POMZP3: variants seen among roughly 807,000 people sequenced by gnomAD.
POMZP3 encodes the protein POM121 and ZP3 fusion protein.
Under a neutral mutation model 19.8 loss-of-function variants are expected in POMZP3, and 10 were observed. That is an observed-to-expected ratio of 0.51 (90% CI 0.31 to 0.86). The LOEUF (loss-of-function observed/expected upper bound fraction) is 0.86, where lower values mean the gene tolerates loss of function less well. POMZP3 is among the 40% of genes least tolerant of loss of function. POMZP3 has a pLI of 0.04. For missense variants in POMZP3, 152 were observed against 228.1 expected, an observed-to-expected ratio of 0.67 and a Z score of 2.15; for synonymous variants, 57 against 85.8, an observed-to-expected ratio of 0.66 and a Z score of 1.85.
intron 4 of POMZP3, 55 bp from the exon 5 acceptor site, chr7:76,611,868 T>C (rs1026712042): frequency 6.7e-7 from 1 of 1,502,374 alleles, no homozygotes; most frequent in African/African-American, 1.4e-5. Context: ...CCTGGGAGTT[T>C]AACACACCAG....
At chr7:76,617,692 T>TA (rs1286284991) in intron 4 of POMZP3, among the ~76,000 whole-genome samples, 2 of 107,268 alleles carry the variant, frequency 1.9e-5, no homozygotes, top group African/African-American at 9.7e-5. Context: ...CCTGCCTTTT[T>TA]TTTTTTTTGG....
At position 76,612,095 on chromosome 7, in the gene POMZP3, G is replaced by A. The variant is rs1815137384; in HGVS notation, c.346-282C>T. ...TACCTGTAGTCCCAGCTACCTGGAA[G>A]GCTGAGGCAGGAGAATCACTGGAAC... On this transcript the variant is annotated intron_variant, in intron 4 of 6. Transcript: ENST00000310842. 1.5e-5 allele frequency among the ~76,000 whole-genome samples: 2 copies of A among 137,406 alleles called. 1 individual carries two copies. The highest frequency in any genetic ancestry group is 3.1e-5 in the Non-Finnish European group (2 of 63,708). 90.1% of individuals were successfully genotyped at this position (137,406 alleles called of 152,430 possible). A position where few individuals can be genotyped will look rare whatever the true frequency, so the allele number is the denominator to read the frequency against.
chr7:76,627,000 G>C lies in POMZP3; in HGVS notation c.-444C>G. On this transcript the variant is annotated 5_prime_UTR_variant, in exon 1 of 7. Transcript: ENST00000310842. ...CTGTCGACTTGGCCGGAGGCGAAGC[G>C]AACAGTGTTCGCCGATGTCGCGCCT... 7 of 1,358,480 alleles carry C rather than the reference G, an allele frequency of 5.2e-6. No homozygotes were observed. Among genetic ancestry groups the C allele is most frequent in the Non-Finnish European group, 6.8e-6 (7 of 1,036,766 alleles). The allele number at this position is 1,358,480 out of a possible 1,614,324, so 84.2% of individuals were successfully genotyped here. A position where few individuals can be genotyped will look rare whatever the true frequency, so the allele number is the denominator to read the frequency against.
chr7:76,625,832 C>G, intron 2 of POMZP3, 149 bp from the exon 3 acceptor site: 1 of 1,337,740 alleles, frequency 7.5e-7, no homozygotes, highest in Non-Finnish European at 1.0e-6. Flanking sequence ...TTTTCGTTAA[C>G]GGCAAAAAGT....
In POMZP3 at chr7:76,610,163, C is replaced by A. The variant is rs711306; in HGVS notation, c.*64G>T. The A allele has an allele frequency of 0.57, 909,819 of 1,603,692 alleles. 260,814 individuals carry two copies. The highest frequency in any genetic ancestry group is 0.67 in the Middle Eastern group (4,048 of 6,032). The stretch of plus-strand genomic sequence containing the variant: ...CCCACTGCTCTACTTCATGGTCACC[C>A]CTCCTGTCCAGGAAGATCAGTGGCC... On this transcript the variant is annotated 3_prime_UTR_variant, in exon 7 of 7. Transcript: ENST00000310842.
At chr7:76,625,723 A>G (rs1193364128) in intron 2 of POMZP3, 40 bp from the exon 3 acceptor site, 1 of 1,602,556 alleles carries the variant, frequency 6.2e-7, no homozygotes, top group African/African-American at 1.3e-5. Flanking sequence ...AGATATTTTA[A>G]TTCCCATGCC....
chr7:76,623,661 G>A (rs1015198388), intron 3 of POMZP3, among the ~76,000 whole-genome samples: 46 of 148,538 alleles, frequency 3.1e-4, no homozygotes, highest in African/African-American at 9.9e-4. Context: ...TTAGCTGGCT[G>A]TGATGGTACG....
chr7:76,619,589 CTTT>C (rs374900039), intron 3 of POMZP3, among the ~76,000 whole-genome samples: 2 of 138,760 alleles, frequency 1.4e-5, no homozygotes, highest in Non-Finnish European at 3.1e-5. Flanking sequence ...GAGATGGTGT[CTTT>C]TTTTTTTTTT....
chr7:76,623,492 A>G (rs1311990559), intron 3 of POMZP3, among the ~76,000 whole-genome samples: 1 of 147,534 alleles, frequency 6.8e-6, no homozygotes, highest in African/African-American at 2.5e-5. Flanking sequence ...TTTGGGATAT[A>G]TAAGTTGTTC....
chr7:76,619,118 G>A (rs1815407204), intron 3 of POMZP3, among the ~76,000 whole-genome samples: 1 of 152,110 alleles, frequency 6.6e-6, no homozygotes, highest in African/African-American at 2.4e-5. Context: ...AGGGCTGTCA[G>A]CTGGGCGCAG....
In POMZP3 at chr7:76,626,226, T is replaced by C; in HGVS notation, c.-151-11A>G. 1.3e-6 allele frequency: 2 copies of C among 1,539,526 alleles called. No homozygotes were observed. The highest frequency in any genetic ancestry group is 8.8e-7 in the Non-Finnish European group (1 of 1,136,904). On this transcript the variant is annotated splice_polypyrimidine_tract_variant and intron_variant, in intron 1 of 6. Transcript: ENST00000310842. ...AAAGTCCCACGATCCCTGCAGAGAA[T>C]GCGAGACAAATCATGGAAACAAAGT...
chr7:76,619,604 TG>T lies in POMZP3; in HGVS notation c.228-1305del, dbSNP rs1419085835. ...GAGATGGTGTCTTTTTTTTTTTTTT[TG>T]GAACTCCTCAAAGGCTGGGGTTTGT... is the stretch of plus-strand genomic sequence containing the variant. On this transcript the variant is annotated intron_variant, in intron 3 of 6. Transcript: ENST00000310842. Among the ~76,000 whole-genome samples the T allele has an allele frequency of 2.2e-4, 32 of 148,414 alleles. 2 individuals are homozygous for T. Among genetic ancestry groups the T allele is most frequent in the Admixed American group, 2.0e-3 (30 of 14,780 alleles).
At chr7:76,611,345 A>C (rs1815089401) in intron 6 of POMZP3, 109 bp downstream of exon 6, 1 of 1,155,686 alleles carries the variant, frequency 8.7e-7, no homozygotes, top group East Asian at 2.5e-5. Flanking sequence ...CCTAGGTACA[A>C]ACAGTTTTAA....
intron 3 of POMZP3, chr7:76,621,101 T>C (rs1379567581): frequency 6.7e-6 from 1 of 149,060 alleles, no homozygotes; most frequent in Non-Finnish European, 1.5e-5. Flanking sequence ...TATCTTGCTT[T>C]TCTTTGTTGT....
rs1815307378 is a variant in POMZP3 at position 76,616,800 on chromosome 7, G to C, written c.345+1383C>G. On this transcript the variant is annotated intron_variant, in intron 4 of 6. Transcript: ENST00000310842. The stretch of plus-strand genomic sequence containing the variant: ...GAACCCAGGAGGTAGAGGTTGCAGT[G>C]AGCCGAGACTGTGCCATTGCATTCC... 2.1e-5 allele frequency among the ~76,000 whole-genome samples: 2 copies of C among 94,488 alleles called. 1 individual carries two copies. Among genetic ancestry groups the C allele is most frequent in the Non-Finnish European group, 4.6e-5 (2 of 43,420 alleles). The allele number at this position is 94,488 out of a possible 152,430, so 62.0% of individuals were successfully genotyped here.
chr7:76,625,778 A>T (rs1348386069), intron 2 of POMZP3, 95 bp from the exon 3 acceptor site: 13 of 1,455,636 alleles, frequency 8.9e-6, no homozygotes, highest in African/African-American at 1.4e-5. Context: ...GCCAAAGTAT[A>T]ATTTATACAC....
At chr7:76,624,634 C>T (rs1320504471) in intron 3 of POMZP3, among the ~76,000 whole-genome samples, 3 of 147,294 alleles carry the variant, frequency 2.0e-5, no homozygotes, top group African/African-American at 5.0e-5. Flanking sequence ...TTAGTAGAGA[C>T]GGGGTTTCAC....
Position 76,627,279 on chromosome 7 carries a change from T to C in POMZP3, c.-723A>G. On this transcript the variant is annotated 5_prime_UTR_variant, in exon 1 of 7. Transcript: ENST00000310842. ...GCGGCTCCGCGCCGCGGAGGAGACT[T>C]AAATATCCCAGCGTGCACCGCGCCA... The C allele has an allele frequency of 7.5e-7, 1 of 1,326,864 alleles. No individual in the cohort carries two copies. Among genetic ancestry groups the C allele is most frequent in the Non-Finnish European group, 9.7e-7 (1 of 1,027,670 alleles). The allele number at this position is 1,326,864 out of a possible 1,614,324, so 82.2% of individuals were successfully genotyped here.
intron 3 of POMZP3, among the ~76,000 whole-genome samples, chr7:76,623,773 G>A (rs1815701901): frequency 6.6e-6 from 1 of 151,860 alleles, no homozygotes. Flanking sequence ...TTACACTCCG[G>A]CATGGCTGAC....
Sources: allele counts gnomAD v4.1 joint callset (sites outside exome capture counted in the v4.1 genomes callset), GRCh38; gene constraint gnomAD v4.1.1; transcripts MANE v1.5; gene names NCBI Gene and HGNC (gene_info 2026-07-23, HGNC 2026-07-21).